Variants in FAM151B observed in about 807,000 individuals in gnomAD.
FAM151B encodes the protein protein FAM151B.
Under a neutral mutation model 31.2 loss-of-function variants are expected in FAM151B, and 24 were observed. The ratio of observed to expected loss-of-function variants is 0.77; its 90% CI spans 0.56 to 1.08. The LOEUF is 1.08. Ranked by LOEUF, FAM151B falls within the 50% of genes least tolerant of loss-of-function variation. The pLI is 0.00. For missense variants in FAM151B, 293 were observed against 328.6 expected, an observed-to-expected ratio of 0.89 and a Z score of 0.84; for synonymous variants, 105 against 111.4, an observed-to-expected ratio of 0.94 and a Z score of 0.36.
intron 3 of FAM151B, among the ~76,000 whole-genome samples, chr5:80,516,717 A>G (rs1394033152): frequency 6.6e-6 from 1 of 152,198 alleles, no homozygotes; most frequent in Non-Finnish European, 1.5e-5. Flanking sequence ...GTAAGAATTG[A>G]GAATGTTGGC....
At chr5:80,526,236 C>T (rs1010327580) in intron 5 of FAM151B, among the ~76,000 whole-genome samples, 6 of 151,996 alleles carry the variant, frequency 3.9e-5, no homozygotes, top group Non-Finnish European at 8.8e-5. Context: ...CAGTTCTAAC[C>T]TGTGTTGTTC....
chr5:80,540,412 T>C (rs1745825728), intron 5 of FAM151B, among the ~76,000 whole-genome samples: 1 of 152,216 alleles, frequency 6.6e-6, no homozygotes, highest in Non-Finnish European at 1.5e-5. Flanking sequence ...TTTTATGTAC[T>C]TTTTTCTATG....
intron 5 of FAM151B, among the ~76,000 whole-genome samples, chr5:80,532,077 G>A (rs1455380110): frequency 6.6e-6 from 1 of 152,080 alleles, no homozygotes; most frequent in Non-Finnish European, 1.5e-5. Flanking sequence ...ATGAGTTCAT[G>A]TCCTTTGTAG....
intron 1 of FAM151B, chr5:80,498,887 T>G: frequency 3.0e-6 from 1 of 336,160 alleles, no homozygotes; most frequent in Non-Finnish European, 5.8e-6. Context: ...CAGGAGGAAT[T>G]CCTGGATTTT....
At chr5:80,539,166 C>A (rs1745756285) in intron 5 of FAM151B, among the ~76,000 whole-genome samples, 1 of 151,880 alleles carries the variant, frequency 6.6e-6, no homozygotes, top group Admixed American at 6.6e-5. Flanking sequence ...TCGTGAATAA[C>A]CTTATTGTAA....
intron 1 of FAM151B, among the ~76,000 whole-genome samples, chr5:80,499,147 G>A (rs1050402423): frequency 6.6e-6 from 1 of 152,186 alleles, no homozygotes; most frequent in African/African-American, 2.4e-5. Context: ...AATGTTTGAA[G>A]CATGAACAAG....
rs1743270491 is a variant in FAM151B at position 80,490,201 on chromosome 5, A to G, written c.25+2053A>G. ...CCTGGAGTTTGGATCAGCCTGGGCA[A>G]CACAGGGAGGCCTTATCTCTCCAAA... On this transcript the variant is annotated intron_variant, in intron 1 of 5. Transcript: ENST00000282226. Among the ~76,000 whole-genome samples the G allele has an allele frequency of 3.3e-5, 5 of 152,284 alleles. No individual in the cohort carries two copies. The South Asian group carries it at 1.0e-3, about 32-fold the overall frequency.
At chr5:80,527,034 T>A (rs979086315) in intron 5 of FAM151B, among the ~76,000 whole-genome samples, 6 of 152,246 alleles carry the variant, frequency 3.9e-5, no homozygotes, top group Non-Finnish European at 4.4e-5. Flanking sequence ...ACATATCTTA[T>A]TCTTACCTTT....
At chr5:80,533,567 C>T (rs1745345123) in intron 5 of FAM151B, among the ~76,000 whole-genome samples, 1 of 151,610 alleles carries the variant, frequency 6.6e-6, no homozygotes, top group South Asian at 2.1e-4. Context: ...GCCTGACCAA[C>T]AAGGCGAAAC....
At chr5:80,510,349 A>C (rs908393119) in intron 2 of FAM151B, among the ~76,000 whole-genome samples, 2 of 152,114 alleles carry the variant, frequency 1.3e-5, no homozygotes, top group Admixed American at 6.5e-5. Context: ...CTCTCTCTCT[A>C]TGTGGTCTCT....
chr5:80,512,192 A>C (rs1274831831), intron 2 of FAM151B, among the ~76,000 whole-genome samples: 1 of 152,226 alleles, frequency 6.6e-6, no homozygotes, highest in Non-Finnish European at 1.5e-5. Flanking sequence ...AAAATTTCTC[A>C]AGATCACAGT....
chr5:80,522,159 T>C, intron 5 of FAM151B, 21 bp downstream of exon 5: 2 of 1,604,406 alleles, frequency 1.2e-6, no homozygotes, highest in African/African-American at 1.3e-5. Flanking sequence ...GTTTAACAAA[T>C]GTGTATGTGA....
Position 80,520,861 on chromosome 5 carries a change from T to G in FAM151B, c.535+951T>G, listed in dbSNP as rs777391803. On this transcript the variant is annotated intron_variant, in intron 4 of 5. Transcript: ENST00000282226. The stretch of plus-strand genomic sequence containing the variant: ...TCTTGCTCTGTTGCCCAGGCTGGAG[T>G]GCAGTGGTGTGATCTCAGCTTACTG... Among the ~76,000 whole-genome samples, 26 of 147,818 alleles carry G rather than the reference T, an allele frequency of 1.8e-4. No individual in the cohort carries two copies. In the East Asian group the frequency reaches 2.2e-3, roughly 13 times the overall value.
intron 2 of FAM151B, among the ~76,000 whole-genome samples, chr5:80,510,029 A>G (rs1009023207): frequency 3.3e-5 from 5 of 152,176 alleles, no homozygotes; most frequent in Admixed American, 2.0e-4. Context: ...CACAAAGCCA[A>G]TGCCACATGT....
At chr5:80,538,094 A>G (rs1378590255) in intron 5 of FAM151B, among the ~76,000 whole-genome samples, 1 of 149,006 alleles carries the variant, frequency 6.7e-6, no homozygotes, top group African/African-American at 2.5e-5. Context: ...TTTGAGGCAG[A>G]GTCTCACTCT....
At chr5:80,522,861 A>G (rs1744784049) in intron 5 of FAM151B, among the ~76,000 whole-genome samples, 1 of 151,954 alleles carries the variant, frequency 6.6e-6, no homozygotes, top group Non-Finnish European at 1.5e-5. Context: ...ATAGATTATA[A>G]AAGTACAGAT....
At chr5:80,518,877 C>T (rs1260163847) in intron 3 of FAM151B, 1 of 152,100 alleles carries the variant, frequency 6.6e-6, no homozygotes, top group South Asian at 2.1e-4. Context: ...GTGTTCTCCC[C>T]TCCAGTATCC....
At chr5:80,488,270 C>A in intron 1 of FAM151B, 122 bp downstream of exon 1, 2 of 1,245,708 alleles carry the variant, frequency 1.6e-6, no homozygotes, top group Non-Finnish European at 2.1e-6. Flanking sequence ...GCGCGCCGCG[C>A]AGAACCGGGC....
At position 80,513,606 on chromosome 5, in the gene FAM151B, A is replaced by G. The variant is rs1055396636; in HGVS notation, c.154A>G (p.Thr52Ala). The G allele has an allele frequency of 6.2e-7, 1 of 1,612,166 alleles. No individual in the cohort carries two copies. Among genetic ancestry groups the G allele is most frequent in the African/African-American group, 1.3e-5 (1 of 74,798 alleles). The change falls in exon 3 of 6, where the codon ACT becomes GCT. Residue 52 changes from threonine to alanine, a missense_variant and splice_region_variant. Thr to Ala is a moderately conservative substitution (Grantham distance 58). Transcript: ENST00000282226. ...CTGAAGTTCTTTTATTTGGACAGGT[A>G]CTGCTCACATGATAGAGGCTGATGT... ...KAQTNEALKS[T>A]AHMIEADVLL...
Sources: gnomAD v4.1 joint callset for allele counts (sites outside exome capture counted in the v4.1 genomes callset) on GRCh38, gnomAD v4.1.1 for gene constraint, MANE v1.5 for transcripts, NCBI Gene and HGNC (gene_info 2026-07-23, HGNC 2026-07-21) for gene names.